The following COA7 variants were observed in gnomAD, a reference collection of about 807,000 sequenced individuals.
COA7 encodes cytochrome c oxidase assembly factor 7, also known as Sel1 repeat containing 1.
A neutral mutation model predicts 21.0 loss-of-function variants in COA7; 12 were observed. The observed-to-expected ratio is 0.57, with a 90% CI of 0.37 to 0.92. COA7 has a LOEUF of 0.92. Among genes scored for constraint, COA7 ranks in the 40% least tolerant of loss-of-function variants. The probability of loss-of-function intolerance (pLI) is 0.01; values close to 1 mark genes in which losing one functional copy is unlikely to be tolerated. For synonymous variants in COA7, 95 were observed against 107.4 expected, an observed-to-expected ratio of 0.88 and a Z score of 0.72; for missense variants, 240 against 286.1, an observed-to-expected ratio of 0.84 and a Z score of 1.16.
At chr1:52,694,247 T>G (rs975150311) in intron 1 of COA7, among the ~76,000 whole-genome samples, 3 of 151,894 alleles carry the variant, frequency 2.0e-5, no homozygotes, top group Admixed American at 6.6e-5. Flanking sequence ...TCACCTGAGG[T>G]CGGGAGTTCT....
intron 2 of COA7, among the ~76,000 whole-genome samples, chr1:52,690,549 TG>T (rs1644037960): frequency 6.6e-6 from 1 of 152,144 alleles, no homozygotes; most frequent in Non-Finnish European, 1.5e-5. Context: ...AGGAAACTGC[TG>T]ACCTACAAAT....
chr1:52,697,583 T>C (rs559472372), intron 1 of COA7, among the ~76,000 whole-genome samples: 1 of 151,608 alleles, frequency 6.6e-6, no homozygotes, highest in South Asian at 2.1e-4. Context: ...TTTTTATTTA[T>C]TTTTTTTGAG....
chr1:52,697,779 A>G, intron 1 of COA7: 1 of 155,028 alleles, frequency 6.5e-6, no homozygotes, highest in Non-Finnish European at 1.4e-5. Context: ...TCACCGTGTT[A>G]GCCAGGATGG....
chr1:52,692,739 C>G lies in COA7; in HGVS notation c.235G>C (p.Val79Leu), dbSNP rs773362110. 2 of 1,614,208 alleles carry G rather than the reference C, an allele frequency of 1.2e-6. No individual in the cohort carries two copies. The highest frequency in any genetic ancestry group is 1.7e-6 in the Non-Finnish European group (2 of 1,180,028). Residue 79 changes from valine (V) to leucine (L), a missense_variant, in exon 2 of 3, where the codon GTG becomes CTG. Val to Leu is a conservative substitution (Grantham distance 32). This residue lies in a region of COA7 where 163 missense variants were observed against 214.1 expected (regional missense o/e 0.76). Transcript: ENST00000371538. ...DSCYKLGAYY[V>L]TGKGGLTQDL... The stretch of plus-strand genomic sequence containing the variant: ...AGGCCCTCCTTACCTTTTCCAGTCA[C>G]ATAGTAGGCCCCCAGTTTGTAGCAG...
At chr1:52,695,694 A>T (rs147806254) in intron 1 of COA7, among the ~76,000 whole-genome samples, 18 of 152,306 alleles carry the variant, frequency 1.2e-4, no homozygotes, top group African/African-American at 3.4e-4. Context: ...ATGGATTTTA[A>T]GGGAGTAAAG....
In COA7 at chr1:52,698,207, C is replaced by T. The variant is rs749342927; in HGVS notation, c.106+14G>A. 15 of 1,593,032 alleles carry T rather than the reference C, an allele frequency of 9.4e-6. No homozygotes were observed. The Admixed American group carries it at 2.3e-4, about 25-fold the overall frequency. On this transcript the variant is annotated intron_variant, in intron 1 of 2. Coordinates refer to ENST00000371538, the MANE Select transcript of COA7 (RefSeq NM_023077.3). The stretch of plus-strand genomic sequence containing the variant: ...CTCCCCGACGCGTCGCCGGGCTGCG[C>T]TGGAGCCGCTCACCGTCCGGGTCCT...
At position 52,685,831 on chromosome 1, in the gene COA7, T is replaced by G. The variant is rs1267209500; in HGVS notation, c.*1889A>C. The G allele has an allele frequency of 1.3e-5, 2 of 152,310 alleles. No homozygotes were observed. Among genetic ancestry groups the G allele is most frequent in the Non-Finnish European group, 2.9e-5 (2 of 68,240 alleles). The allele number at this position is 152,310 out of a possible 1,614,324, so 9.4% of individuals were successfully genotyped here. A position where few individuals can be genotyped will look rare whatever the true frequency, so the allele number is the denominator to read the frequency against. ...CGCCTGCCTCGGCCTCCCAAAGTGC[T>G]GGGATTGCAAGCGTGAGCCACTGCA... On this transcript the variant is annotated 3_prime_UTR_variant, in exon 3 of 3. Coordinates refer to ENST00000371538, the MANE Select transcript of COA7 (RefSeq NM_023077.3).
At position 52,687,409 on chromosome 1, in the gene COA7, TCA is replaced by T. The variant is rs1404905745; in HGVS notation, c.*309_*310del. ...GGGCTCTCTAGTTTGCTCCTATTTT[TCA>T]CAGAGTTGCCAGAGTTTGAAAACTA... On this transcript the variant is annotated 3_prime_UTR_variant, in exon 3 of 3. Coordinates refer to ENST00000371538, the MANE Select transcript of COA7 (RefSeq NM_023077.3). 7 of 317,758 alleles carry T rather than the reference TCA, an allele frequency of 2.2e-5. No homozygotes were observed. The highest frequency in any genetic ancestry group is 3.5e-5 in the Non-Finnish European group (6 of 171,974). 19.7% of individuals were successfully genotyped at this position (317,758 alleles called of 1,614,324 possible).
intron 2 of COA7, 71 bp from the exon 3 acceptor site, chr1:52,688,239 A>G: frequency 7.8e-7 from 1 of 1,285,462 alleles, no homozygotes. Flanking sequence ...GGCCAAAGTC[A>G]GTGAATTTTT....
intron 1 of COA7, 100 bp from the exon 2 acceptor site, chr1:52,692,967 G>A (rs1471743031): frequency 6.1e-6 from 8 of 1,306,138 alleles, no homozygotes; most frequent in East Asian, 4.6e-5. Context: ...GCCAGGTGAT[G>A]TCTTTTAAGA....
chr1:52,691,415 A>C (rs1644045602), intron 2 of COA7, among the ~76,000 whole-genome samples: 2 of 147,456 alleles, frequency 1.4e-5, no homozygotes, highest in African/African-American at 4.9e-5. Flanking sequence ...TCCTGTCACA[A>C]AAAAAAAAAA....
At chr1:52,692,933 G>A (rs912290469) in intron 1 of COA7, 66 bp from the exon 2 acceptor site, 1 of 1,579,520 alleles carries the variant, frequency 6.3e-7, no homozygotes, top group Non-Finnish European at 8.7e-7. Flanking sequence ...GGACTTGGGG[G>A]TAGGGGGTGC....
intron 1 of COA7, among the ~76,000 whole-genome samples, chr1:52,693,354 G>A (rs1157688184): frequency 6.6e-6 from 1 of 151,994 alleles, no homozygotes; most frequent in African/African-American, 2.4e-5. Flanking sequence ...GAGGCAGGAG[G>A]ATCACTTGAG....
rs1183117305 is a variant in COA7, at chr1:52,686,787, ACT to A, written c.*931_*932del. On this transcript the variant is annotated 3_prime_UTR_variant, in exon 3 of 3. Transcript: ENST00000371538. Reference sequence around the variant, plus strand: ...AAGGCACAACCACCACAAAGAACATACTCTCTACGGTACCTGGAATCTGGAAA... The same window carrying A: ...AAGGCACAACCACCACAAAGAACATACTCTACGGTACCTGGAATCTGGAAA... 6.6e-6 allele frequency: 1 copy of A among 152,166 alleles called. No individual in the cohort carries two copies. Among genetic ancestry groups the A allele is most frequent in the Non-Finnish European group, 1.5e-5 (1 of 68,052 alleles). 9.4% of individuals were successfully genotyped at this position (152,166 alleles called of 1,614,324 possible).
chr1:52,689,296 C>T (rs562538891), intron 2 of COA7, among the ~76,000 whole-genome samples: 1 of 151,842 alleles, frequency 6.6e-6, no homozygotes, highest in Admixed American at 6.6e-5. Context: ...GCTGGGATTA[C>T]AGGTGCATGC....
rs769081843 is a variant in COA7 at position 52,687,850 on chromosome 1, T to C, written c.566A>G (p.Asn189Ser). 3.7e-6 allele frequency: 6 copies of C among 1,614,118 alleles called. No individual in the cohort carries two copies. In the South Asian group the frequency reaches 5.5e-5, roughly 15 times the overall value. Residue 189 changes from asparagine (N) to serine (S), a missense_variant, in exon 3 of 3, where the codon AAT becomes AGT. This residue lies in a region of COA7 where 163 missense variants were observed against 214.1 expected (regional missense o/e 0.76). Transcript: ENST00000371538. ...CCCCAGCTTGTACATGCGACTGGCATTGGCACAGGCCCAGATATGACCCAG... is the reference window on the plus strand; with the variant it reads ...CCCCAGCTTGTACATGCGACTGGCACTGGCACAGGCCCAGATATGACCCAG... ...CDLGHIWACA[N>S]ASRMYKLGDG...
intron 2 of COA7, among the ~76,000 whole-genome samples, chr1:52,691,472 T>G (rs112293251): frequency 0.043 from 2,320 of 53,702 alleles, 50 homozygotes; most frequent in African/African-American, 0.23. Context: ...GTGTGTGTGT[T>G]TTTTTTTTTT....
At chr1:52,694,461 G>GGAAAAA (rs751466526) in intron 1 of COA7, among the ~76,000 whole-genome samples, 3 of 65,000 alleles carry the variant, frequency 4.6e-5, no homozygotes, top group Non-Finnish European at 3.1e-5. Flanking sequence ...ACTCCATCTC[G>GGAAAAA]AAAAAAAAAA....
At chr1:52,691,405 T>G (rs944488844) in intron 2 of COA7, among the ~76,000 whole-genome samples, 1 of 143,262 alleles carries the variant, frequency 7.0e-6, no homozygotes, top group Non-Finnish European at 1.5e-5. Context: ...CAGAACAAGA[T>G]CCTGTCACAA....
Sources: gnomAD v4.1 joint callset for allele counts (sites outside exome capture counted in the v4.1 genomes callset) on GRCh38, gnomAD v4.1.1 for gene constraint, gnomAD v4.1.1 regional missense constraint, MANE v1.5 for transcripts, NCBI Gene and HGNC (gene_info 2026-07-23, HGNC 2026-07-21) for gene names.